WWOX: variants seen among roughly 807,000 people sequenced by gnomAD.
WWOX encodes WW domain-containing oxidoreductase.
In WWOX, 69 loss-of-function variants were observed where a neutral mutation model predicts 46.2. The observed-to-expected ratio is 1.49, with a 90% CI of 1.23 to 1.82. The LOEUF (loss-of-function observed/expected upper bound fraction) is 1.82, where lower values mean the gene tolerates loss of function less well. Among genes scored for constraint, WWOX ranks in the 40% most tolerant of loss-of-function variants. The pLI is 0.00. For missense variants in WWOX, 919 were observed against 542.6 expected (o/e 1.69, Z -6.89); for synonymous variants, 359 against 202.6 (o/e 1.77, Z -6.56).
chr16:78,635,293 C>T (rs2046541062), intron 8 of WWOX, among the ~76,000 whole-genome samples: 1 of 152,056 alleles, frequency 6.6e-6, no homozygotes, highest in African/African-American at 2.4e-5. Context: ...CCTGGTTGTC[C>T]CTTTAATCCA....
At chr16:79,013,121 TG>T (rs1293480349) in intron 8 of WWOX, among the ~76,000 whole-genome samples, 1 of 152,170 alleles carries the variant, frequency 6.6e-6, no homozygotes, top group Non-Finnish European at 1.5e-5. Context: ...CCTCCAGAAT[TG>T]CCCTGTTGAG....
chr16:79,041,040 C>T (rs1282608194), intron 8 of WWOX, among the ~76,000 whole-genome samples: 2 of 151,884 alleles, frequency 1.3e-5, no homozygotes, highest in Non-Finnish European at 2.9e-5. Context: ...TTCTGAGCTT[C>T]AGTCTCTTAT....
chr16:78,991,600 CA>C (rs57514915), intron 8 of WWOX, among the ~76,000 whole-genome samples: 1 of 78,166 alleles, frequency 1.3e-5, no homozygotes, highest in African/African-American at 4.9e-5. Context: ...GACCTTGTCT[CA>C]AAAAAAAAAA....
At chr16:79,159,624 T>C (rs766073549) in intron 8 of WWOX, among the ~76,000 whole-genome samples, 1 of 152,192 alleles carries the variant, frequency 6.6e-6, no homozygotes, top group African/African-American at 2.4e-5. Flanking sequence ...CCCCCAGAGA[T>C]TGTCTCTCCC....
chr16:78,688,490 T>C (rs7195845), intron 8 of WWOX, among the ~76,000 whole-genome samples: 52,659 of 151,742 alleles, frequency 0.35, 9,874 homozygotes, highest in African/African-American at 0.42. Flanking sequence ...ATTGAGAGAA[T>C]AGAAACTTTT....
intron 1 of WWOX, among the ~76,000 whole-genome samples, chr16:78,106,125 A>G (rs1028993285): frequency 6.6e-6 from 1 of 152,158 alleles, no homozygotes. Flanking sequence ...TTGAGGGCAG[A>G]GTTTTTTGGA....
intron 8 of WWOX, among the ~76,000 whole-genome samples, chr16:78,781,986 A>G (rs11866686): frequency 0.049 from 7,387 of 152,228 alleles, 619 homozygotes; most frequent in African/African-American, 0.17. Flanking sequence ...GGATTCCAGC[A>G]CAAGCAATTT....
chr16:79,210,427 T>C (rs887347495), intron 8 of WWOX, among the ~76,000 whole-genome samples: 4 of 152,136 alleles, frequency 2.6e-5, no homozygotes, highest in African/African-American at 9.7e-5. Flanking sequence ...GGTCACAATG[T>C]AAACCCTGCA....
intron 5 of WWOX, among the ~76,000 whole-genome samples, chr16:78,177,761 A>T (rs186626591): frequency 2.3e-4 from 35 of 152,302 alleles, no homozygotes; most frequent in African/African-American, 8.4e-4. Context: ...ACTGAGATAG[A>T]CAGACATTTG....
At chr16:78,918,843 A>C (rs1212387590) in intron 8 of WWOX, among the ~76,000 whole-genome samples, 5 of 152,166 alleles carry the variant, frequency 3.3e-5, no homozygotes, top group African/African-American at 1.2e-4. Context: ...GCGGGGTCTC[A>C]CATGATCCGT....
chr16:78,885,199 T>G (rs987048499), intron 8 of WWOX, among the ~76,000 whole-genome samples: 3 of 151,646 alleles, frequency 2.0e-5, no homozygotes, highest in African/African-American at 7.3e-5. Flanking sequence ...CTACTTTTTT[T>G]TTTTTTTTTT....
intron 5 of WWOX, among the ~76,000 whole-genome samples, chr16:78,197,789 C>G (rs922614944): frequency 6.6e-6 from 1 of 152,120 alleles, no homozygotes; most frequent in Non-Finnish European, 1.5e-5. Flanking sequence ...GACATACTGA[C>G]AAGGAGAGGA....
At chr16:79,014,296 C>T (rs2047370228) in intron 8 of WWOX, among the ~76,000 whole-genome samples, 1 of 152,114 alleles carries the variant, frequency 6.6e-6, no homozygotes, top group Non-Finnish European at 1.5e-5. Context: ...TGATTTATAC[C>T]AAAAGATGCT....
Position 78,926,524 on chromosome 16 carries a change from C to T in WWOX, c.1057-285084C>T, listed in dbSNP as rs138982313. ...GAGGAGGAGCAGGATGGCGAAGTCG[C>T]AGCCATTTAAAAACTTGTTTTCAGT... is the stretch of plus-strand genomic sequence containing the variant. On this transcript the variant is annotated intron_variant, in intron 8 of 8. Transcript: ENST00000566780. 2.5e-3 allele frequency among the ~76,000 whole-genome samples: 380 copies of T among 152,324 alleles called. 1 individual carries two copies. The highest frequency in any genetic ancestry group is 8.9e-3 in the African/African-American group (372 of 41,568).
At position 79,208,570 on chromosome 16, in the gene WWOX, C is replaced by G. The variant is rs142392017; in HGVS notation, c.1057-3038C>G. On this transcript the variant is annotated intron_variant, in intron 8 of 8. Transcript: ENST00000566780. ...TCTTTCATCTTTTCTGCATTATGAA[C>G]TGATGCCCCAAAAGGTGGTATGAAT... 2.4e-3 allele frequency among the ~76,000 whole-genome samples: 366 copies of G among 152,162 alleles called. 4 individuals are homozygous for G. Among genetic ancestry groups the G allele is most frequent in the African/African-American group, 8.0e-3 (333 of 41,504 alleles).
intron 5 of WWOX, among the ~76,000 whole-genome samples, chr16:78,243,892 C>T (rs899880244): frequency 2.0e-5 from 3 of 152,214 alleles, no homozygotes; most frequent in African/African-American, 7.2e-5. Context: ...GCTCAGTTTC[C>T]ACTTACAAAT....
chr16:79,061,153 G>T (rs2048351263), intron 8 of WWOX, among the ~76,000 whole-genome samples: 1 of 152,192 alleles, frequency 6.6e-6, no homozygotes, highest in African/African-American at 2.4e-5. Flanking sequence ...TGTTGAGGGA[G>T]AAATGATAAC....
chr16:78,998,363 G>A (rs2047030424), intron 8 of WWOX, among the ~76,000 whole-genome samples: 4 of 152,220 alleles, frequency 2.6e-5, no homozygotes, highest in East Asian at 3.9e-4. Context: ...GGGTTTTCAC[G>A]CTTTGTACTC....
At chr16:78,199,712 C>T (rs548839461) in intron 5 of WWOX, among the ~76,000 whole-genome samples, 66 of 152,320 alleles carry the variant, frequency 4.3e-4, no homozygotes, top group African/African-American at 1.5e-3. Flanking sequence ...GTCACATATA[C>T]ATGACATCCT....
Sources: gnomAD v4.1 joint callset for allele counts (sites outside exome capture counted in the v4.1 genomes callset) on GRCh38, gnomAD v4.1.1 for gene constraint, MANE v1.5 for transcripts, NCBI Gene and HGNC (gene_info 2026-07-23, HGNC 2026-07-21) for gene names.